APLP2: variants seen among roughly 807,000 people sequenced by gnomAD.
APLP2 encodes CDEI box-binding protein.
Under a neutral mutation model 89.9 loss-of-function variants are expected in APLP2, and 53 were observed. The ratio of observed to expected loss-of-function variants is 0.59; its 90% CI spans 0.47 to 0.74. The LOEUF (loss-of-function observed/expected upper bound fraction) is 0.74. Ranked by LOEUF, APLP2 falls within the 30% of genes least tolerant of loss-of-function variation. The pLI, the probability that APLP2 is intolerant of heterozygous loss-of-function variation, is 0.00. For missense variants in APLP2, 973 were observed against 975.9 expected, an observed-to-expected ratio of 1.00 and a Z score of 0.04; for synonymous variants, 372 against 348.6, an observed-to-expected ratio of 1.07 and a Z score of -0.75.
chr11:130,117,717 A>C (rs1290739413), intron 3 of APLP2, among the ~76,000 whole-genome samples: 1 of 152,184 alleles, frequency 6.6e-6, no homozygotes, highest in Non-Finnish European at 1.5e-5. Context: ...GACCTTTTAC[A>C]GCTTGCTTTT....
intron 1 of APLP2, among the ~76,000 whole-genome samples, chr11:130,098,094 A>G (rs1946446612): frequency 6.6e-6 from 1 of 152,162 alleles, no homozygotes; most frequent in Non-Finnish European, 1.5e-5. Flanking sequence ...CACTGGCAAA[A>G]ATCATCATAT....
intron 1 of APLP2, chr11:130,070,738 C>A: frequency 6.9e-7 from 1 of 1,456,222 alleles, no homozygotes; most frequent in Middle Eastern, 1.7e-4. Flanking sequence ...ACCGAGGAAA[C>A]CCGCTCTGGG....
At chr11:130,127,743 G>C in intron 8 of APLP2, 23 bp from the exon 9 acceptor site, 2 of 1,609,338 alleles carry the variant, frequency 1.2e-6, no homozygotes, top group Admixed American at 1.7e-5. Context: ...CACTGCTGAC[G>C]GCGTTTTTGA....
chr11:130,098,403 CAAA>C (rs202146814), intron 1 of APLP2, among the ~76,000 whole-genome samples: 3 of 103,960 alleles, frequency 2.9e-5, no homozygotes, highest in Non-Finnish European at 4.2e-5. Flanking sequence ...GACTCCGTCT[CAAA>C]AAAAAAAAAA....
At chr11:130,129,479 A>T (rs1028199563) in intron 10 of APLP2, among the ~76,000 whole-genome samples, 1 of 152,246 alleles carries the variant, frequency 6.6e-6, no homozygotes, top group Non-Finnish European at 1.5e-5. Context: ...GTAATTATCC[A>T]GTTATTGAAC....
Position 130,123,823 on chromosome 11 carries a change from G to A in APLP2, c.1090+44G>A, listed in dbSNP as rs767468024. 11 of 1,597,476 alleles carry A rather than the reference G, an allele frequency of 6.9e-6. No individual in the cohort carries two copies. Among genetic ancestry groups the A allele is most frequent in the Non-Finnish European group, 7.7e-6 (9 of 1,169,890 alleles). ...TGGTCCCGTGCGGCAGCACCGTCCT[G>A]TCTGGCGTCCGTCTCCCTGCCGTCT... On this transcript the variant is annotated intron_variant, in intron 7 of 16. Coordinates refer to ENST00000338167, the MANE Select transcript of APLP2 (RefSeq NM_001142276.2). The surrounding 1 kb of genome is among the most constrained non-coding windows in gnomAD (Gnocchi z 4.0).
chr11:130,117,201 G>T (rs1380044090), intron 3 of APLP2, among the ~76,000 whole-genome samples: 1 of 152,168 alleles, frequency 6.6e-6, no homozygotes, highest in Non-Finnish European at 1.5e-5. Flanking sequence ...GATTTTTAGA[G>T]ATCGAACAGA....
At chr11:130,118,621 A>G (rs957477565) in intron 3 of APLP2, among the ~76,000 whole-genome samples, 1 of 152,210 alleles carries the variant, frequency 6.6e-6, no homozygotes, top group Non-Finnish European at 1.5e-5. Context: ...TGGTGGTTGG[A>G]TGTCAGAATT....
At chr11:130,079,328 A>C (rs1362317259) in intron 1 of APLP2, among the ~76,000 whole-genome samples, 1 of 151,960 alleles carries the variant, frequency 6.6e-6, no homozygotes, top group Non-Finnish European at 1.5e-5. Flanking sequence ...CAAACTCCTG[A>C]CCTCAGATGA....
At chr11:130,089,215 C>G (rs922204942) in intron 1 of APLP2, among the ~76,000 whole-genome samples, 1 of 152,218 alleles carries the variant, frequency 6.6e-6, no homozygotes, top group Admixed American at 6.5e-5. Context: ...TGCCTTTGTT[C>G]ATCATCTTTT....
intron 1 of APLP2, among the ~76,000 whole-genome samples, chr11:130,091,828 C>CA (rs1945311230): frequency 6.7e-6 from 1 of 149,638 alleles, no homozygotes; most frequent in Non-Finnish European, 1.5e-5. Context: ...CTGACCCCCC[C>CA]CCACCTCCCT....
Position 130,121,609 on chromosome 11 carries a change from T to G in APLP2, c.517-5T>G, listed in dbSNP as rs1452406746. 3.7e-6 allele frequency: 6 copies of G among 1,611,548 alleles called. No homozygotes were observed. Among genetic ancestry groups the G allele is most frequent in the Non-Finnish European group, 5.1e-6 (6 of 1,178,302 alleles). On this transcript the variant is annotated splice_polypyrimidine_tract_variant and splice_region_variant and intron_variant, in intron 4 of 16. Coordinates refer to ENST00000338167, the MANE Select transcript of APLP2 (RefSeq NM_001142276.2). The stretch of plus-strand genomic sequence containing the variant: ...GTTCTGATGTGGCCTGTGGGTTTCT[T>G]TTAGGCATGTCTGACTCAGGGAATG...
At chr11:130,102,733 G>C (rs1437509504) in intron 1 of APLP2, among the ~76,000 whole-genome samples, 1 of 152,144 alleles carries the variant, frequency 6.6e-6, no homozygotes, top group Non-Finnish European at 1.5e-5. Context: ...GATTTATTTA[G>C]ATTTACATAT....
Position 130,129,079 on chromosome 11 carries a change from A to C in APLP2, c.1328A>C (p.Lys443Thr). 6.2e-7 allele frequency: 1 copy of C among 1,614,170 alleles called. No individual in the cohort carries two copies. Among genetic ancestry groups the C allele is most frequent in the African/African-American group, 1.3e-5 (1 of 75,048 alleles). ...CAAGCCATGGTTAAAGCTTTAGAGA[A>C]GGAAGCAGCCAGTGAGAAGCAGCAG... Reference protein sequence around the residue: ...HFQAMVKALEKEAASEKQQLV... With the variant: ...HFQAMVKALETEAASEKQQLV... Residue 443 changes from lysine to threonine, a missense_variant, in exon 10 of 17, where the codon AAG becomes ACG. By Grantham distance (78) the Lys-to-Thr change is moderately conservative. Transcript: ENST00000338167.
chr11:130,081,470 A>G (rs1221705617), intron 1 of APLP2, among the ~76,000 whole-genome samples: 1 of 152,206 alleles, frequency 6.6e-6, no homozygotes, highest in East Asian at 1.9e-4. Context: ...AGGAGGGAAA[A>G]TGTTTATTTT....
rs145184132 is a variant in APLP2 at position 130,085,893 on chromosome 11, CTGAG to C, written c.105+15813_105+15816del. ...ATCAGAATTCCATTCCTTTTCGAGA[CTGAG>C]TAATATTCCATTGTGCATATATACC... is the stretch of plus-strand genomic sequence containing the variant. On this transcript the variant is annotated intron_variant, in intron 1 of 16. Transcript: ENST00000338167. 6.7e-3 allele frequency among the ~76,000 whole-genome samples: 1,027 copies of C among 152,298 alleles called. 8 individuals carry two copies. Among genetic ancestry groups the C allele is most frequent in the South Asian group, 0.031 (151 of 4,826 alleles).
chr11:130,136,070 T>C (rs1951551788), intron 13 of APLP2, among the ~76,000 whole-genome samples: 1 of 151,960 alleles, frequency 6.6e-6, no homozygotes, highest in Non-Finnish European at 1.5e-5. Context: ...TCTTGGGAGG[T>C]AGGTGCTGGA....
At chr11:130,120,299 G>T (rs1361584714) in intron 3 of APLP2, among the ~76,000 whole-genome samples, 1 of 152,156 alleles carries the variant, frequency 6.6e-6, no homozygotes, top group Non-Finnish European at 1.5e-5. Context: ...ATCTGTACTT[G>T]AGTAGAACAC....
chr11:130,129,199 C>T lies in APLP2; in HGVS notation c.1448C>T (p.Pro483Leu), dbSNP rs755695139. The T allele has an allele frequency of 5.0e-5, 80 of 1,613,034 alleles. No individual in the cohort carries two copies. Among genetic ancestry groups the T allele is most frequent in the African/African-American group, 6.7e-5 (5 of 74,914 alleles). ...ENYLAALQSD[P>L]PRPHRILQAL... is the part of the protein sequence containing the mutation. Reference sequence around the variant, plus strand: ...TACCTGGCTGCCTTGCAGTCTGACCCGCCACGGGTGAGTCCTGCCCCTAGC... The same window carrying T: ...TACCTGGCTGCCTTGCAGTCTGACCTGCCACGGGTGAGTCCTGCCCCTAGC... The change falls in exon 10 of 17, where the codon CCG becomes CTG. Residue 483 changes from proline to leucine, a missense_variant. By Grantham distance (98) the Pro-to-Leu change is moderately conservative (BLOSUM62 -3). Coordinates refer to ENST00000338167, the MANE Select transcript of APLP2 (RefSeq NM_001142276.2).
Sources: allele counts gnomAD v4.1 joint callset (sites outside exome capture counted in the v4.1 genomes callset), GRCh38; gene constraint gnomAD v4.1.1; non-coding constraint Gnocchi (gnomAD v3.1); transcripts MANE v1.5; gene names NCBI Gene and HGNC (gene_info 2026-07-23, HGNC 2026-07-21).